The following NCK1 variants were observed in gnomAD, a reference collection of about 807,000 sequenced individuals.
NCK1 encodes NCK adaptor protein 1, also known as SH2/SH3 adapter protein NCK1.
Under a neutral mutation model 36.6 loss-of-function variants are expected in NCK1, and 19 were observed. The ratio of observed to expected loss-of-function variants is 0.52; its 90% CI spans 0.36 to 0.76. The LOEUF (loss-of-function observed/expected upper bound fraction) is 0.76. Ranked by LOEUF, NCK1 falls within the 30% of genes least tolerant of loss-of-function variation. NCK1 has a pLI of 0.00. For missense variants in NCK1, 358 were observed against 445.6 expected (o/e 0.80, Z 1.77); for synonymous variants, 165 against 156.0 (o/e 1.06, Z -0.43).
intron 1 of NCK1, among the ~76,000 whole-genome samples, chr3:136,881,766 A>C (rs1365366877): frequency 6.6e-6 from 1 of 152,166 alleles, no homozygotes; most frequent in East Asian, 1.9e-4. Context: ...TATGTACCTC[A>C]TATAAATGGA....
rs539536020 is a variant in NCK1 at position 136,890,335 on chromosome 3, T to G, written c.-19+27982T>G. On this transcript the variant is annotated intron_variant, in intron 1 of 3. Coordinates refer to ENST00000481752, the MANE Select transcript of NCK1 (RefSeq NM_001291999.2). ...GCCCACGCCCACCCGGAACTCCAGC[T>G]GGCCCGCCAGCGTTGCACGCAGCCC... 1.4e-3 allele frequency among the ~76,000 whole-genome samples: 220 copies of G among 152,142 alleles called. 1 individual carries two copies. The highest frequency in any genetic ancestry group is 2.6e-3 in the Non-Finnish European group (178 of 67,972).
At chr3:136,883,852 C>G (rs1939007900) in intron 1 of NCK1, among the ~76,000 whole-genome samples, 1 of 152,080 alleles carries the variant, frequency 6.6e-6, no homozygotes, top group Non-Finnish European at 1.5e-5. Context: ...AAAACCAACA[C>G]AAATTGATGT....
rs142883729 is a variant in NCK1, at chr3:136,893,147, AGTGTGTGTGTGTGT to A, written c.-19+30813_-19+30826del. On this transcript the variant is annotated intron_variant, in intron 1 of 3. Transcript: ENST00000481752. Reference sequence around the variant, plus strand: ...TTTTTATGGCTAAGTAATATTCCATAGTGTGTGTGTGTGTGTGTGTGTGTGTGTGTGTATATATA... The same window carrying A: ...TTTTTATGGCTAAGTAATATTCCATAGTGTGTGTGTGTGTGTGTATATATA... Among the ~76,000 whole-genome samples, 5 of 41,890 alleles carry A rather than the reference AGTGTGTGTGTGTGT, an allele frequency of 1.2e-4. 1 individual carries two copies. The highest frequency in any genetic ancestry group is 4.0e-4 in the African/African-American group (5 of 12,528). The allele number at this position is 41,890 out of a possible 152,430, so 27.5% of individuals were successfully genotyped here.
chr3:136,877,491 A>G (rs544443790), intron 1 of NCK1, among the ~76,000 whole-genome samples: 1 of 152,356 alleles, frequency 6.6e-6, no homozygotes, highest in South Asian at 2.1e-4. Context: ...AGGAAGAGTT[A>G]TAGCCTTCAA....
chr3:136,893,187 T>TACACACACACAC (rs1226338778), intron 1 of NCK1, among the ~76,000 whole-genome samples: 19 of 133,796 alleles, frequency 1.4e-4, no homozygotes, highest in Non-Finnish European at 1.8e-4. Flanking sequence ...TGTATATATA[T>TACACACACACAC]ATATACACAC....
chr3:136,939,570 T>C (rs1175754103), intron 2 of NCK1, among the ~76,000 whole-genome samples: 3 of 152,130 alleles, frequency 2.0e-5, no homozygotes, highest in Non-Finnish European at 4.4e-5. Context: ...TCTTCTTTTT[T>C]ATGCAAGCTT....
Position 136,902,197 on chromosome 3 carries a change from T to TG in NCK1, c.-18-25787_-18-25786insG, listed in dbSNP as rs1269817704. Among the ~76,000 whole-genome samples, 108 of 110,160 alleles carry TG rather than the reference T, an allele frequency of 9.8e-4. 2 individuals are homozygous for TG. The highest frequency in any genetic ancestry group is 4.5e-3 in the Middle Eastern group (1 of 224). 72.3% of individuals were successfully genotyped at this position (110,160 alleles called of 152,430 possible). The stretch of plus-strand genomic sequence containing the variant: ...TCTTAACTCTTTGTTTTTTTTTTTT[T>TG]TTTTTGTTTTTGTTTTTTGAGACAG... On this transcript the variant is annotated intron_variant, in intron 1 of 3. Coordinates refer to ENST00000481752, the MANE Select transcript of NCK1 (RefSeq NM_001291999.2).
intron 1 of NCK1, among the ~76,000 whole-genome samples, chr3:136,926,334 G>A (rs1475184090): frequency 6.6e-6 from 1 of 151,692 alleles, no homozygotes; most frequent in East Asian, 1.9e-4. Flanking sequence ...GAGTGCAGTG[G>A]CGCGATCTCG....
intron 2 of NCK1, 116 bp from the exon 3 acceptor site, chr3:136,945,467 A>T: frequency 1.5e-6 from 1 of 659,136 alleles, no homozygotes; most frequent in Non-Finnish European, 2.3e-6. Flanking sequence ...TGTTATATTT[A>T]AAAGCTTTAA....
intron 1 of NCK1, among the ~76,000 whole-genome samples, chr3:136,924,893 G>A (rs984696839): frequency 1.3e-5 from 2 of 152,084 alleles, no homozygotes; most frequent in Non-Finnish European, 2.9e-5. Flanking sequence ...GGTTAAAAAA[G>A]GGAAAAGGTC....
intron 1 of NCK1, among the ~76,000 whole-genome samples, chr3:136,905,376 C>T (rs1334088389): frequency 6.6e-6 from 1 of 151,886 alleles, no homozygotes; most frequent in East Asian, 1.9e-4. Flanking sequence ...TCCCTCATAT[C>T]CTGAATTGTT....
At chr3:136,912,831 T>G (rs966186368) in intron 1 of NCK1, among the ~76,000 whole-genome samples, 2 of 146,540 alleles carry the variant, frequency 1.4e-5, no homozygotes, top group Admixed American at 7.0e-5. Flanking sequence ...TTTAAATTTT[T>G]TTTGTAGAAG....
chr3:136,927,950 ACCTT>A, intron 1 of NCK1, 30 bp from the exon 2 acceptor site: 1 of 1,432,564 alleles, frequency 7.0e-7, no homozygotes, highest in South Asian at 1.2e-5. Flanking sequence ...TACTACCTCA[ACCTT>A]ACATAAAAAT....
chr3:136,899,300 G>T, intron 1 of NCK1: 1 of 241,080 alleles, frequency 4.1e-6, no homozygotes, highest in South Asian at 6.3e-5. Flanking sequence ...CTTTTGGCGA[G>T]GACTGAGATT....
chr3:136,922,541 C>T (rs1230486516), intron 1 of NCK1, among the ~76,000 whole-genome samples: 1 of 152,074 alleles, frequency 6.6e-6, no homozygotes, highest in Non-Finnish European at 1.5e-5. Flanking sequence ...AAGATATGAA[C>T]AAGCACTTTA....
chr3:136,865,378 G>C (rs7627443), intron 1 of NCK1, among the ~76,000 whole-genome samples: 104,191 of 151,742 alleles, frequency 0.69, 35,998 homozygotes, highest in East Asian at 0.87. Context: ...CGCCACCGTG[G>C]CTGGCCTATA....
Position 136,948,321 on chromosome 3 carries a change from A to G in NCK1, c.1002A>G (p.Leu334=), listed in dbSNP as rs1165439100. 1 of 1,612,192 alleles carries G rather than the reference A, an allele frequency of 6.2e-7. No homozygotes were observed. The highest frequency in any genetic ancestry group is 1.7e-4 in the Middle Eastern group (1 of 6,058). ...QGKNKHFKVQ[L]KETVYCIGQR... ...AAAACAAGCATTTTAAAGTCCAACT[A>G]AAAGAGACTGTCTACTGCATTGGGC... Residue 334 remains leucine, a synonymous_variant, in exon 4 of 4, where the codon CTA becomes CTG. Transcript: ENST00000481752.
chr3:136,922,260 A>G (rs1050864529), intron 1 of NCK1, among the ~76,000 whole-genome samples: 7 of 152,218 alleles, frequency 4.6e-5, no homozygotes, highest in Non-Finnish European at 2.9e-5. Flanking sequence ...CAAAAGTGAA[A>G]GTTATCTTTT....
intron 1 of NCK1, among the ~76,000 whole-genome samples, chr3:136,898,770 C>T (rs946287839): frequency 2.0e-5 from 3 of 152,162 alleles, no homozygotes; most frequent in African/African-American, 7.2e-5. Flanking sequence ...AAAGGCACAT[C>T]ATGTAACTAG....
Sources: gnomAD v4.1 joint callset for allele counts (sites outside exome capture counted in the v4.1 genomes callset) on GRCh38, gnomAD v4.1.1 for gene constraint, MANE v1.5 for transcripts, NCBI Gene and HGNC (gene_info 2026-07-23, HGNC 2026-07-21) for gene names.